Variants in ARL9 observed in about 807,000 individuals in gnomAD.
The protein encoded by ARL9 is ARF like GTPase 9.
ARL9 carries 14 observed loss-of-function variants against 27.0 expected under a neutral mutation model. That is an observed-to-expected ratio of 0.52 (90% CI 0.34 to 0.81). The LOEUF (loss-of-function observed/expected upper bound fraction) is 0.81. Ranked by LOEUF, ARL9 falls within the 30% of genes least tolerant of loss-of-function variation. ARL9 has a pLI of 0.01. For synonymous variants in ARL9, 106 were observed against 108.7 expected (o/e 0.98, Z 0.15); for missense variants, 294 against 290.0 (o/e 1.01, Z -0.10).
Position 56,523,893 on chromosome 4 carries a change from T to C in ARL9, c.*17T>C, listed in dbSNP as rs774824321. 6 of 1,604,152 alleles carry C rather than the reference T, an allele frequency of 3.7e-6. No individual in the cohort carries two copies. In the South Asian group the frequency reaches 6.7e-5, roughly 18 times the overall value. On this transcript the variant is annotated 3_prime_UTR_variant, in exon 4 of 4. Transcript: ENST00000640821. The stretch of plus-strand genomic sequence containing the variant: ...GTGCAGTGACCAGGACTCAGCCCAC[T>C]GTGCGGCTCACGACTGAGATGTCAT...
chr4:56,511,284 C>G lies in ARL9; in HGVS notation c.379C>G (p.Pro127Ala), dbSNP rs1360599625. ...ASNRVQHSVA[P>A]TQGFHAVCIN... ...AAACAGAGTCCAGCACAGTGTGGCA[C>G]CCACCCAAGGTTTCCATGCAGTTTG... The change falls in exon 2 of 4, where the codon CCC becomes GCC. Residue 127 changes from proline to alanine, a missense_variant. Physicochemically the swap from Pro to Ala is conservative, Grantham distance 27. Transcript: ENST00000640821. 10 of 1,613,802 alleles carry G rather than the reference C, an allele frequency of 6.2e-6. 1 individual carries two copies. In the South Asian group the frequency reaches 7.7e-5, roughly 12 times the overall value.
intron 1 of ARL9, chr4:56,506,543 T>G: frequency 1.2e-6 from 1 of 865,956 alleles, no homozygotes; most frequent in Non-Finnish European, 1.4e-6. Context: ...CCTCTTTGCA[T>G]TGAATGCGTT....
intron 3 of ARL9, among the ~76,000 whole-genome samples, chr4:56,519,677 G>A (rs911055236): frequency 1.3e-5 from 2 of 151,986 alleles, no homozygotes; most frequent in Non-Finnish European, 2.9e-5. Flanking sequence ...TTAAAAGCAG[G>A]GACTCAAATT....
chr4:56,511,869 C>A (rs1213700703), intron 2 of ARL9, among the ~76,000 whole-genome samples: 1 of 152,192 alleles, frequency 6.6e-6, no homozygotes, highest in Non-Finnish European at 1.5e-5. Context: ...CATCTATATG[C>A]TAATGGCTCC....
rs1578209167 is a variant in ARL9, at chr4:56,511,088, T to G, written c.280-97T>G. 8.8e-6 allele frequency: 11 copies of G among 1,249,456 alleles called. No individual in the cohort carries two copies. The East Asian group carries it at 2.9e-4, about 33-fold the overall frequency. The allele number at this position is 1,249,456 out of a possible 1,614,324, so 77.4% of individuals were successfully genotyped here. A position where few individuals can be genotyped will look rare whatever the true frequency, so the allele number is the denominator to read the frequency against. On this transcript the variant is annotated intron_variant, in intron 1 of 3. Coordinates refer to ENST00000640821, the MANE Select transcript of ARL9 (RefSeq NM_001363794.2). ...GCACCTGGCCCGTGGAGTTTTATTC[T>G]GGTTACAGTTCCAAGAATATTATTG...
intron 1 of ARL9, among the ~76,000 whole-genome samples, chr4:56,507,561 C>T (rs545630909): frequency 5.3e-5 from 8 of 151,852 alleles, no homozygotes; most frequent in Admixed American, 5.2e-4. Flanking sequence ...GCGATCCACC[C>T]GCGTTGGCCT....
chr4:56,511,237 G>A lies in ARL9; in HGVS notation c.332G>A (p.Ser111Asn). 2 of 1,612,968 alleles carry A rather than the reference G, an allele frequency of 1.2e-6. No individual in the cohort carries two copies. The highest frequency in any genetic ancestry group is 1.7e-6 in the Non-Finnish European group (2 of 1,179,352). Residue 111 changes from serine to asparagine, a missense_variant, in exon 2 of 4, where the codon AGT (serine) becomes AAT (asparagine). Physicochemically the swap from Ser to Asn is conservative, Grantham distance 46. Coordinates refer to ENST00000640821, the MANE Select transcript of ARL9 (RefSeq NM_001363794.2). ...GGCCTGGATGGAGCAGGAAAAACCA[G>A]TGTCCTGCACTCTCTAGCTTCAAAC... The part of the protein sequence containing the change: ...VLGLDGAGKT[S>N]VLHSLASNRV...
At chr4:56,515,763 C>A (rs1721751949) in intron 2 of ARL9, among the ~76,000 whole-genome samples, 1 of 152,124 alleles carries the variant, frequency 6.6e-6, no homozygotes, top group Non-Finnish European at 1.5e-5. Context: ...AAGTGTCTAT[C>A]TATAAAGAGA....
intron 3 of ARL9, among the ~76,000 whole-genome samples, chr4:56,523,320 C>T (rs1015224433): frequency 3.3e-5 from 5 of 152,174 alleles, no homozygotes; most frequent in Admixed American, 6.5e-5. Flanking sequence ...ACGTGGGAGG[C>T]GGAGGTTGCG....
At chr4:56,516,141 T>C (rs945793814) in intron 2 of ARL9, among the ~76,000 whole-genome samples, 8 of 152,146 alleles carry the variant, frequency 5.3e-5, no homozygotes, top group Non-Finnish European at 1.2e-4. Flanking sequence ...GGGGAAACTA[T>C]TCAATAAATG....
chr4:56,511,185 G>A lies in ARL9; in HGVS notation c.280G>A (p.Glu94Lys). The change falls in exon 2 of 4, where the codon GAG (glutamate) becomes AAG (lysine). Residue 94 changes from glutamate to lysine, a missense_variant and splice_region_variant. By Grantham distance (56) the Glu-to-Lys change is moderately conservative (BLOSUM62 1). Transcript: ENST00000640821. ...TLTRTPLEPL[E>K]KNKQILVLGL... ...ATTGATTTATCTTTTTGTTTCACAG[G>A]AGAAAAACAAGCAAATCCTAGTGCT... 1.3e-6 allele frequency: 2 copies of A among 1,570,266 alleles called. No homozygotes were observed. The highest frequency in any genetic ancestry group is 1.7e-6 in the Non-Finnish European group (2 of 1,159,734).
At position 56,507,337 on chromosome 4, in the gene ARL9, CAG is replaced by C. The variant is rs371589649; in HGVS notation, c.279+1199_279+1200del. ...TATTTTTGTTTTTGTTTTTTTGAGA[CAG>C]AGTCTGGCTCTGTCGCCCAGGCTTG... On this transcript the variant is annotated intron_variant, in intron 1 of 3. Coordinates refer to ENST00000640821, the MANE Select transcript of ARL9 (RefSeq NM_001363794.2). Among the ~76,000 whole-genome samples the C allele has an allele frequency of 2.5e-4, 38 of 151,998 alleles. No homozygotes were observed. The East Asian group carries it at 6.7e-3, about 27-fold the overall frequency.
chr4:56,508,111 A>T (rs1721519514), intron 1 of ARL9, among the ~76,000 whole-genome samples: 1 of 152,172 alleles, frequency 6.6e-6, no homozygotes, highest in South Asian at 2.1e-4. Flanking sequence ...TAGGCTGAAT[A>T]GGGCCTCTGG....
chr4:56,510,444 A>C (rs962204768), intron 1 of ARL9, among the ~76,000 whole-genome samples: 2 of 152,158 alleles, frequency 1.3e-5, no homozygotes, highest in African/African-American at 4.8e-5. Context: ...GAAATTAATA[A>C]TTGAGACCTT....
chr4:56,506,256 C>T (rs1301558693), intron 1 of ARL9, 115 bp downstream of exon 1: 2 of 1,025,906 alleles, frequency 1.9e-6, no homozygotes, highest in East Asian at 3.3e-5. Context: ...GAATGGATCT[C>T]AACTGAGGGC....
At chr4:56,518,613 C>A (rs924722304) in intron 2 of ARL9, 65 bp from the exon 3 acceptor site, 1 of 1,435,200 alleles carries the variant, frequency 7.0e-7, no homozygotes, top group Non-Finnish European at 9.6e-7. Flanking sequence ...GCCCTCCCTG[C>A]TCCCTGGGTG....
At chr4:56,508,345 T>C (rs900378153) in intron 1 of ARL9, among the ~76,000 whole-genome samples, 3 of 152,128 alleles carry the variant, frequency 2.0e-5, no homozygotes, top group South Asian at 2.1e-4. Context: ...TTAAGAGCCA[T>C]CAAAGATTTG....
intron 2 of ARL9, among the ~76,000 whole-genome samples, chr4:56,515,191 T>C (rs966855687): frequency 1.3e-5 from 2 of 151,694 alleles, no homozygotes; most frequent in Admixed American, 1.3e-4. Context: ...GTGGTGGAGA[T>C]TGCAGTGGGC....
At chr4:56,519,542 G>A (rs1053319436) in intron 3 of ARL9, among the ~76,000 whole-genome samples, 3 of 151,978 alleles carry the variant, frequency 2.0e-5, no homozygotes, top group Admixed American at 6.6e-5. Context: ...CCTGGGAGGC[G>A]GAGATTGCAG....
Sources: allele counts gnomAD v4.1 joint callset (sites outside exome capture counted in the v4.1 genomes callset), GRCh38; gene constraint gnomAD v4.1.1; transcripts MANE v1.5; gene names NCBI Gene and HGNC (gene_info 2026-07-23, HGNC 2026-07-21).